Variants in BCL7C observed in about 807,000 individuals in gnomAD.
BCL7C encodes the protein B-cell CLL/lymphoma 7 protein family member C.
BCL7C carries 8 observed loss-of-function variants against 26.2 expected under a neutral mutation model. That is an observed-to-expected ratio of 0.30 (90% CI 0.18 to 0.55). The LOEUF (loss-of-function observed/expected upper bound fraction) is 0.55, where lower values mean the gene tolerates loss of function less well. BCL7C is among the 20% of genes least tolerant of loss of function. The pLI is 0.93. For missense variants in BCL7C, 262 were observed against 298.5 expected (o/e 0.88, Z 0.90); for synonymous variants, 90 against 116.5 (o/e 0.77, Z 1.47).
At chr16:30,890,239 C>G (rs2055205238) in intron 4 of BCL7C, among the ~76,000 whole-genome samples, 2 of 151,708 alleles carry the variant, frequency 1.3e-5, no homozygotes, top group Non-Finnish European at 1.5e-5. Context: ...ACTAAAAATA[C>G]AAAAATTAGC....
In BCL7C at chr16:30,892,917, C is replaced by G; in HGVS notation, c.203G>C (p.Arg68Thr). The G allele has an allele frequency of 6.2e-7, 1 of 1,613,078 alleles. No individual in the cohort carries two copies. The highest frequency in any genetic ancestry group is 8.5e-7 in the Non-Finnish European group (1 of 1,179,950). Residue 68 changes from arginine (R) to threonine (T), a missense_variant, in exon 3 of 6, where the codon AGA becomes ACA. Physicochemically the swap from Arg to Thr is moderately conservative, Grantham distance 71. Transcript: ENST00000215115. Reference sequence around the variant, plus strand: ...GCCCCGACGTTCCCGGCCACGGGATCTCTCTGCCCCGCCACCTGCCCGCCT... The same window carrying G: ...GCCCCGACGTTCCCGGCCACGGGATGTCTCTGCCCCGCCACCTGCCCGCCT... Reference protein sequence around the residue: ...ERRRAGGGAERSRGRERRGRG... With the variant: ...ERRRAGGGAETSRGRERRGRG...
chr16:30,854,955 T>A (rs1596589433), intron 5 of BCL7C, among the ~76,000 whole-genome samples: 1 of 152,006 alleles, frequency 6.6e-6, no homozygotes, highest in South Asian at 2.1e-4. Context: ...GCCTTGGCCT[T>A]CCAAAGTGCT....
At chr16:30,837,892 G>A (rs2054579174) in intron 5 of BCL7C, among the ~76,000 whole-genome samples, 1 of 152,160 alleles carries the variant, frequency 6.6e-6, no homozygotes, top group Non-Finnish European at 1.5e-5. Flanking sequence ...AGACATAATG[G>A]TGAACAATGC....
At chr16:30,885,843 C>T (rs1356041788), downstream of BCL7C, among the ~76,000 whole-genome samples, 1 of 152,134 alleles carries the variant, frequency 6.6e-6, no homozygotes, top group Non-Finnish European at 1.5e-5. Flanking sequence ...CTGTCGGAAG[C>T]ATCCTTACAT....
At position 30,891,829 on chromosome 16, in the gene BCL7C, G is replaced by T. The variant is rs533843437; in HGVS notation, c.442+757C>A. Among the ~76,000 whole-genome samples, 5 of 152,232 alleles carry T rather than the reference G, an allele frequency of 3.3e-5. No homozygotes were observed. In the East Asian group the frequency reaches 9.7e-4, roughly 29 times the overall value. On this transcript the variant is annotated intron_variant, in intron 4 of 5. Coordinates refer to ENST00000215115, the MANE Select transcript of BCL7C (RefSeq NM_004765.4). ...AAAATTTAAGAATTGGCTGGGCATGGTGGCACACACCTGAGTCCCAGCTAT... is the reference window on the plus strand; with the variant it reads ...AAAATTTAAGAATTGGCTGGGCATGTTGGCACACACCTGAGTCCCAGCTAT...
intron 5 of BCL7C, among the ~76,000 whole-genome samples, chr16:30,852,489 C>CTTTTT (rs1286491720): frequency 2.2e-5 from 3 of 136,914 alleles, no homozygotes; most frequent in Non-Finnish European, 4.7e-5. Context: ...AACTTTATAA[C>CTTTTT]TTTTTTTTTT....
chr16:30,887,306 T>TA (rs934267235), downstream of BCL7C, among the ~76,000 whole-genome samples: 15 of 149,200 alleles, frequency 1.0e-4, no homozygotes, highest in South Asian at 1.1e-3. Context: ...CAAAACTCTC[T>TA]AAAAAAAAAT....
At chr16:30,846,956 G>C (rs985889083) in intron 5 of BCL7C, among the ~76,000 whole-genome samples, 5 of 152,220 alleles carry the variant, frequency 3.3e-5, no homozygotes, top group Non-Finnish European at 5.9e-5. Flanking sequence ...AGTGACAGCA[G>C]TAATGACCAA....
At chr16:30,886,758 G>T (rs1567322836), downstream of BCL7C, among the ~76,000 whole-genome samples, 1 of 152,212 alleles carries the variant, frequency 6.6e-6, no homozygotes, top group Non-Finnish European at 1.5e-5. Flanking sequence ...ATGGGGATAA[G>T]TTAGACCCAA....
At chr16:30,856,000 T>C (rs2054717352) in intron 5 of BCL7C, among the ~76,000 whole-genome samples, 1 of 147,402 alleles carries the variant, frequency 6.8e-6, no homozygotes, top group Non-Finnish European at 1.5e-5. Context: ...AGGCGGAGGT[T>C]GCATTGAGCC....
chr16:30,863,732 A>G (rs2054797397), intron 5 of BCL7C, among the ~76,000 whole-genome samples: 1 of 152,150 alleles, frequency 6.6e-6, no homozygotes, highest in Non-Finnish European at 1.5e-5. Context: ...GACCAAGGAA[A>G]ATATCTCCTT....
Position 30,834,101 on chromosome 16 carries a change from G to A in BCL7C, c.*847C>T, listed in dbSNP as rs1596804327. On this transcript the variant is annotated 3_prime_UTR_variant, in exon 6 of 6. Coordinates refer to the BCL7C transcript ENST00000380317. This position sits in a 1 kb window ranked among gnomAD's most constrained non-coding sequence, Gnocchi z 4.3. ...TATTTCCTAGTACAACAGACCCAAC[G>A]GTGAAGTCAGGAAGTGAGAGCTTGG... The A allele has an allele frequency of 6.6e-6, 1 of 152,228 alleles. No individual in the cohort carries two copies. Among genetic ancestry groups the A allele is most frequent in the African/African-American group, 2.4e-5 (1 of 41,444 alleles). 9.4% of individuals were successfully genotyped at this position (152,228 alleles called of 1,614,324 possible).
chr16:30,872,458 C>T (rs577128442), intron 5 of BCL7C, among the ~76,000 whole-genome samples: 2 of 152,312 alleles, frequency 1.3e-5, no homozygotes, highest in Admixed American at 6.5e-5. Context: ...ACTCTCCTCA[C>T]CACCAGCACG....
chr16:30,867,418 T>C (rs1454852786), intron 5 of BCL7C, among the ~76,000 whole-genome samples: 1 of 152,120 alleles, frequency 6.6e-6, no homozygotes, highest in Non-Finnish European at 1.5e-5. Context: ...GTGAATGTCT[T>C]AGTTTACATG....
intron 5 of BCL7C, among the ~76,000 whole-genome samples, chr16:30,868,281 C>T (rs987170365): frequency 1.3e-5 from 2 of 149,944 alleles, no homozygotes; most frequent in African/African-American, 4.9e-5. Context: ...GCGTGTACCA[C>T]CCGACCCGGC....
At chr16:30,836,024 G>C (rs1567305997) in intron 5 of BCL7C, among the ~76,000 whole-genome samples, 1 of 151,606 alleles carries the variant, frequency 6.6e-6, no homozygotes, top group South Asian at 2.1e-4. Flanking sequence ...AGGCTGAGGT[G>C]GGCGGATCAC....
At chr16:30,852,211 G>T in intron 5 of BCL7C, 1 of 154,872 alleles carries the variant, frequency 6.5e-6, no homozygotes, top group South Asian at 2.0e-4. Context: ...GCAGTTCCTG[G>T]GCCAAGTGTG....
chr16:30,880,400 A>G (rs2055024513), intron 5 of BCL7C, among the ~76,000 whole-genome samples: 1 of 151,898 alleles, frequency 6.6e-6, no homozygotes. Flanking sequence ...GCCCTGTCTT[A>G]TTAAAAAAGT....
intron 4 of BCL7C, among the ~76,000 whole-genome samples, chr16:30,892,101 T>C (rs1298500761): frequency 6.6e-6 from 1 of 150,382 alleles, no homozygotes; most frequent in African/African-American, 2.5e-5. Context: ...ACCTTATCTC[T>C]ACAAAAAATA....
Sources: gnomAD v4.1 joint callset for allele counts (sites outside exome capture counted in the v4.1 genomes callset) on GRCh38, gnomAD v4.1.1 for gene constraint, Gnocchi (gnomAD v3.1) non-coding constraint, MANE v1.5 for transcripts, NCBI Gene and HGNC (gene_info 2026-07-23, HGNC 2026-07-21) for gene names.